Variants in AMBRA1 observed in about 807,000 individuals in gnomAD.
AMBRA1 encodes autophagy and beclin 1 regulator 1.
Under a neutral mutation model 125.4 loss-of-function variants are expected in AMBRA1, and 47 were observed. The observed-to-expected ratio is 0.37, with a 90% CI of 0.30 to 0.48. AMBRA1 has a LOEUF of 0.48. Among genes scored for constraint, AMBRA1 ranks in the 20% least tolerant of loss-of-function variants. AMBRA1 has a pLI of 0.99. For missense variants in AMBRA1, 1,331 were observed against 1,693.4 expected (o/e 0.79, Z 3.76); for synonymous variants, 626 against 655.5 (o/e 0.95, Z 0.69).
Position 46,417,974 on chromosome 11 carries a change from CA to C in AMBRA1, c.3054del (p.Glu1019SerfsTer16). On this transcript the variant is annotated frameshift_variant, in exon 15 of 18. Transcript: ENST00000683756. LOFTEE classifies it high-confidence loss of function. Reference protein sequence around the residue: ...HVSINSARWLPEPGLGLAYGT... With the variant: ...HVSINSARWLXEPGLGLAYGT... ...CCATAGGCCAAGCCAAGCCCTGGCTCAGGCAGCCAACGGGCAGAGTTGATAC... is the reference window on the plus strand; with the variant it reads ...CCATAGGCCAAGCCAAGCCCTGGCTCGGCAGCCAACGGGCAGAGTTGATAC... The C allele has an allele frequency of 6.2e-7, 1 of 1,611,146 alleles. No homozygotes were observed. The highest frequency in any genetic ancestry group is 8.5e-7 in the Non-Finnish European group (1 of 1,177,898).
chr11:46,417,898 CT>C lies in AMBRA1; in HGVS notation c.3116+14del. On this transcript the variant is annotated intron_variant, in intron 15 of 17. Coordinates refer to ENST00000683756, the MANE Select transcript of AMBRA1 (RefSeq NM_001387011.1). ...CCCCAGTGATCCCTCAACCCCCACA[CT>C]TTAAGCCACTTACTCTGGTCGGCAG... is the stretch of plus-strand genomic sequence containing the variant. The C allele has an allele frequency of 6.3e-7, 1 of 1,598,806 alleles. No individual in the cohort carries two copies. Among genetic ancestry groups the C allele is most frequent in the Non-Finnish European group, 8.6e-7 (1 of 1,169,122 alleles).
At chr11:46,470,031 T>C (rs1183420196) in intron 11 of AMBRA1, among the ~76,000 whole-genome samples, 7 of 152,166 alleles carry the variant, frequency 4.6e-5, no homozygotes, top group Admixed American at 4.6e-4. Flanking sequence ...CATTCTGATA[T>C]AACTAAGCAT....
chr11:46,518,523 TA>T (rs1182000957), intron 7 of AMBRA1: 2 of 152,552 alleles, frequency 1.3e-5, no homozygotes, highest in African/African-American at 4.8e-5. Context: ...GCAGGTTTGG[TA>T]AACTACAGGC....
chr11:46,428,738 T>C (rs1947284334), intron 14 of AMBRA1: 3 of 1,609,854 alleles, frequency 1.9e-6, no homozygotes, highest in African/African-American at 2.7e-5. Context: ...CTCGGCTTTC[T>C]TGTCGGCACC....
At chr11:46,539,991 C>T (rs963160472) in intron 7 of AMBRA1, among the ~76,000 whole-genome samples, 2 of 152,040 alleles carry the variant, frequency 1.3e-5, no homozygotes, top group African/African-American at 4.8e-5. Flanking sequence ...GCCACCAAGC[C>T]CGGCTAATTT....
At chr11:46,526,547 TAA>T (rs79918375) in intron 7 of AMBRA1, among the ~76,000 whole-genome samples, 5 of 110,984 alleles carry the variant, frequency 4.5e-5, no homozygotes, top group Admixed American at 1.8e-4. Context: ...AAATTAAAAT[TAA>T]AAAAAAAAAA....
chr11:46,500,427 CCTGTACTATGCCCA>C (rs1394807673), intron 9 of AMBRA1, among the ~76,000 whole-genome samples: 2 of 152,188 alleles, frequency 1.3e-5, no homozygotes, highest in African/African-American at 4.8e-5. Context: ...GATATCCTCA[CCTGTACTATGCCCA>C]CTGCTTTCTA....
rs1463266448 is a variant in AMBRA1 at position 46,494,106 on chromosome 11, T to C, written c.2420+18A>G. ...CTCTAACGAAGGCTCCCTCTGTTGC[T>C]AGCAACTCGGTTCTTACCTTGGGAC... On this transcript the variant is annotated intron_variant, in intron 10 of 17. Coordinates refer to ENST00000683756, the MANE Select transcript of AMBRA1 (RefSeq NM_001387011.1). 10 of 1,595,248 alleles carry C rather than the reference T, an allele frequency of 6.3e-6. No homozygotes were observed. Among genetic ancestry groups the C allele is most frequent in the South Asian group, 2.3e-5 (2 of 88,394 alleles).
At chr11:46,408,206 T>A (rs1455133104) in intron 17 of AMBRA1, among the ~76,000 whole-genome samples, 1 of 152,198 alleles carries the variant, frequency 6.6e-6, no homozygotes, top group African/African-American at 2.4e-5. Context: ...TTCTCTGGAA[T>A]GGCAGCTTGC....
intron 7 of AMBRA1, among the ~76,000 whole-genome samples, chr11:46,535,035 TA>T (rs1245695236): frequency 1.3e-5 from 2 of 152,186 alleles, no homozygotes; most frequent in Admixed American, 1.3e-4. Context: ...TTACATCTCT[TA>T]AAATAAGTTT....
At chr11:46,511,312 T>A (rs1240057923) in intron 8 of AMBRA1, among the ~76,000 whole-genome samples, 7 of 152,234 alleles carry the variant, frequency 4.6e-5, no homozygotes, top group Non-Finnish European at 1.0e-4. Flanking sequence ...TCACTCATCA[T>A]CTATGGTGCC....
At chr11:46,583,246 G>A (rs1169773332) in intron 1 of AMBRA1, among the ~76,000 whole-genome samples, 1 of 151,836 alleles carries the variant, frequency 6.6e-6, no homozygotes, top group Admixed American at 6.6e-5. Context: ...AACAAGCAAT[G>A]GGGAAAGGAT....
chr11:46,520,056 T>C (rs923846394), intron 7 of AMBRA1, among the ~76,000 whole-genome samples: 1 of 151,608 alleles, frequency 6.6e-6, no homozygotes, highest in South Asian at 2.1e-4. Context: ...GGAGAATCGC[T>C]TGAACCCAGG....
intron 14 of AMBRA1, among the ~76,000 whole-genome samples, chr11:46,423,096 C>A (rs1389342632): frequency 6.6e-6 from 1 of 152,180 alleles, no homozygotes; most frequent in African/African-American, 2.4e-5. Flanking sequence ...CAATAGAAAG[C>A]AGATGCTAAG....
rs1946136482 is a variant in AMBRA1 at position 46,408,541 on chromosome 11, TGGCTCC to T, written c.3369_3374del (p.Glu1124_Pro1125del). On this transcript the variant is annotated inframe_deletion, in exon 17 of 18. Transcript: ENST00000683756. ...CACCAGGACCTGAGGCGGCTGTCCC[TGGCTCC>T]GGCACCTCCCTCTCAGTCTGTGTTT... 6.3e-7 allele frequency: 1 copy of T among 1,583,298 alleles called. No homozygotes were observed. The highest frequency in any genetic ancestry group is 1.3e-5 in the African/African-American group (1 of 74,114).
chr11:46,544,601 C>T (rs1213225043), intron 5 of AMBRA1, among the ~76,000 whole-genome samples: 1 of 152,202 alleles, frequency 6.6e-6, no homozygotes, highest in Non-Finnish European at 1.5e-5. Context: ...GCTTACATCT[C>T]CATCTTCCAG....
At chr11:46,509,713 C>G (rs1029217358) in intron 8 of AMBRA1, among the ~76,000 whole-genome samples, 3 of 152,026 alleles carry the variant, frequency 2.0e-5, no homozygotes, top group African/African-American at 7.2e-5. Context: ...TACACTAATA[C>G]ATATACTAAA....
chr11:46,434,165 CGTT>C (rs1489251756), intron 13 of AMBRA1, among the ~76,000 whole-genome samples: 6 of 150,008 alleles, frequency 4.0e-5, no homozygotes, highest in Admixed American at 6.6e-5. Flanking sequence ...AAATGCTAAC[CGTT>C]GTTATCAACA....
At chr11:46,421,286 T>TC (rs1247365832) in intron 14 of AMBRA1, among the ~76,000 whole-genome samples, 1 of 152,212 alleles carries the variant, frequency 6.6e-6, no homozygotes, top group Non-Finnish European at 1.5e-5. Context: ...GCTATGGCAC[T>TC]CCCTCATGCT....
Sources: allele counts gnomAD v4.1 joint callset (sites outside exome capture counted in the v4.1 genomes callset), GRCh38; gene constraint gnomAD v4.1.1; transcripts MANE v1.5; gene names NCBI Gene and HGNC (gene_info 2026-07-23, HGNC 2026-07-21).